Variants in DLG2 observed in about 807,000 individuals in gnomAD.
The protein encoded by DLG2 is disks large homolog 2.
A neutral mutation model predicts 132.5 loss-of-function variants in DLG2; 45 were observed. The ratio of observed to expected loss-of-function variants is 0.34; its 90% CI spans 0.27 to 0.44. The LOEUF is 0.44. Among genes scored for constraint, DLG2 ranks in the 20% least tolerant of loss-of-function variants. The probability of loss-of-function intolerance (pLI) is 1.00; values close to 1 mark genes in which losing one functional copy is unlikely to be tolerated. For synonymous variants in DLG2, 424 were observed against 419.6 expected (o/e 1.01, Z -0.13); for missense variants, 1,045 against 1,196.9 (o/e 0.87, Z 1.87).
At chr11:84,755,969 G>A (rs528907120) in intron 6 of DLG2, among the ~76,000 whole-genome samples, 1 of 152,250 alleles carries the variant, frequency 6.6e-6, no homozygotes, top group East Asian at 1.9e-4. Flanking sequence ...CTAATAGAAT[G>A]ACTGGCGTAC....
chr11:83,981,500 G>A (rs1396347693), intron 11 of DLG2, among the ~76,000 whole-genome samples: 1 of 152,112 alleles, frequency 6.6e-6, no homozygotes, highest in Admixed American at 6.6e-5. Context: ...GGAGTGCAGT[G>A]GTATGATTTC....
At chr11:84,225,275 A>T (rs2096974544) in intron 8 of DLG2, among the ~76,000 whole-genome samples, 1 of 152,200 alleles carries the variant, frequency 6.6e-6, no homozygotes, top group South Asian at 2.1e-4. Flanking sequence ...TTTTCTATGC[A>T]TTCCCTTATT....
At chr11:85,585,177 T>C (rs1462607072) in intron 3 of DLG2, among the ~76,000 whole-genome samples, 1 of 152,198 alleles carries the variant, frequency 6.6e-6, no homozygotes, top group African/African-American at 2.4e-5. Flanking sequence ...TGGATTTTTA[T>C]ATACGATGAG....
At chr11:84,086,048 ATG>A (rs1404247733) in intron 10 of DLG2, among the ~76,000 whole-genome samples, 1 of 152,196 alleles carries the variant, frequency 6.6e-6, no homozygotes, top group East Asian at 1.9e-4. Context: ...TGTTTAGAAA[ATG>A]TGAGCACCTT....
intron 19 of DLG2, among the ~76,000 whole-genome samples, chr11:83,628,007 G>A (rs909501225): frequency 2.4e-4 from 36 of 152,306 alleles, no homozygotes; most frequent in African/African-American, 7.2e-4. Flanking sequence ...CTGCATAAAT[G>A]TCTTCTTTTG....
intron 3 of DLG2, among the ~76,000 whole-genome samples, chr11:85,323,542 C>T (rs2081229264): frequency 6.6e-6 from 1 of 152,172 alleles, no homozygotes; most frequent in African/African-American, 2.4e-5. Flanking sequence ...TTGAAATATA[C>T]AATAAATTAT....
chr11:84,034,049 C>A (rs1376679374), intron 11 of DLG2, among the ~76,000 whole-genome samples: 1 of 151,960 alleles, frequency 6.6e-6, no homozygotes, highest in South Asian at 2.1e-4. Flanking sequence ...CCATTGCACT[C>A]CAGCCCGGGC....
intron 3 of DLG2, among the ~76,000 whole-genome samples, chr11:85,352,891 A>T (rs544683100): frequency 6.6e-6 from 1 of 152,356 alleles, no homozygotes; most frequent in African/African-American, 2.4e-5. Flanking sequence ...ACCCTAGAAG[A>T]AAACCTAGGC....
In DLG2 at chr11:83,499,850, GAGATATATATATATATATATAT is replaced by G. The variant is rs1227040677; in HGVS notation, c.2194-15644_2194-15623del. 1.6e-3 allele frequency among the ~76,000 whole-genome samples: 92 copies of G among 58,770 alleles called. 1 individual carries two copies. The highest frequency in any genetic ancestry group is 3.7e-3 in the African/African-American group (59 of 16,068). The allele number at this position is 58,770 out of a possible 152,430, so 38.6% of individuals were successfully genotyped here. A position where few individuals can be genotyped will look rare whatever the true frequency, so the allele number is the denominator to read the frequency against. On this transcript the variant is annotated intron_variant, in intron 21 of 27. Transcript: ENST00000376104. ...ATATATATATTTCCTCCACTAATAG[GAGATATATATATATATATATAT>G]ATATATATATATATATATATATATA...
chr11:84,902,396 T>G (rs958479188), intron 6 of DLG2, among the ~76,000 whole-genome samples: 4 of 152,156 alleles, frequency 2.6e-5, no homozygotes, highest in Non-Finnish European at 5.9e-5. Context: ...TTCTTCTGCT[T>G]CAATGCATCA....
At chr11:85,084,669 A>G (rs1001447963) in intron 6 of DLG2, among the ~76,000 whole-genome samples, 2 of 152,112 alleles carry the variant, frequency 1.3e-5, no homozygotes. Context: ...ATCGGTTGCC[A>G]TTTTTGTCAT....
chr11:85,488,608 G>A (rs1049373053), intron 3 of DLG2, among the ~76,000 whole-genome samples: 4 of 152,092 alleles, frequency 2.6e-5, no homozygotes, highest in Admixed American at 6.6e-5. Context: ...ATCAGCAAGA[G>A]AAAGGTATCA....
At position 85,386,391 on chromosome 11, in the gene DLG2, T is replaced by C. The variant is rs571082487; in HGVS notation, c.41-101026A>G. Among the ~76,000 whole-genome samples the C allele has an allele frequency of 7.4e-4, 112 of 152,324 alleles. 1 individual carries two copies. The highest frequency in any genetic ancestry group is 2.6e-3 in the African/African-American group (109 of 41,590). On this transcript the variant is annotated intron_variant, in intron 3 of 27. Coordinates refer to ENST00000376104, the MANE Select transcript of DLG2 (RefSeq NM_001142699.3). ...AATTAATAAGTGACAGAACTAGGAT[T>C]TGAATGTCGACACCCTACCTCCAGA... is the stretch of plus-strand genomic sequence containing the variant.
At chr11:84,848,937 T>A (rs1421922341) in intron 6 of DLG2, among the ~76,000 whole-genome samples, 1 of 152,188 alleles carries the variant, frequency 6.6e-6, no homozygotes. Flanking sequence ...TCAATATACA[T>A]AACAGAGGTA....
At chr11:84,151,526 T>A (rs534603227) in intron 9 of DLG2, among the ~76,000 whole-genome samples, 1 of 152,306 alleles carries the variant, frequency 6.6e-6, no homozygotes, top group South Asian at 2.1e-4. Flanking sequence ...CTTTTGTATA[T>A]ATTTTTGCAT....
chr11:85,126,647 C>T (rs182540528), intron 5 of DLG2, among the ~76,000 whole-genome samples: 14 of 152,062 alleles, frequency 9.2e-5, no homozygotes, highest in East Asian at 5.8e-4. Flanking sequence ...ATCTCCCCCA[C>T]GTAGACATGC....
At chr11:83,982,165 T>C (rs777931220) in intron 11 of DLG2, among the ~76,000 whole-genome samples, 2 of 152,172 alleles carry the variant, frequency 1.3e-5, no homozygotes, top group Non-Finnish European at 2.9e-5. Flanking sequence ...TAAATAACTA[T>C]GTTCCTGGTT....
rs1157088846 is a variant in DLG2 at position 85,465,073 on chromosome 11, C to CA, written c.40+133583dup. ...CGGGCAACAGTGCAGAACTCTGCCT[C>CA]AAAAAAAAAAAAAAAAAAAAAAAAA... is the stretch of plus-strand genomic sequence containing the variant. On this transcript the variant is annotated intron_variant, in intron 3 of 27. Coordinates refer to ENST00000376104, the MANE Select transcript of DLG2 (RefSeq NM_001142699.3). Among the ~76,000 whole-genome samples, 6 of 17,148 alleles carry CA rather than the reference C, an allele frequency of 3.5e-4. 1 individual carries two copies. The highest frequency in any genetic ancestry group is 2.4e-4 in the Non-Finnish European group (2 of 8,474). 11.2% of individuals were successfully genotyped at this position (17,148 alleles called of 152,430 possible). A position where few individuals can be genotyped will look rare whatever the true frequency, so the allele number is the denominator to read the frequency against.
At chr11:84,263,689 C>T (rs960962757) in intron 7 of DLG2, among the ~76,000 whole-genome samples, 3 of 152,090 alleles carry the variant, frequency 2.0e-5, no homozygotes, top group Non-Finnish European at 4.4e-5. Flanking sequence ...TTCCCCTACT[C>T]ACCATAATTT....
Sources: gnomAD v4.1 joint callset for allele counts (sites outside exome capture counted in the v4.1 genomes callset) on GRCh38, gnomAD v4.1.1 for gene constraint, MANE v1.5 for transcripts, NCBI Gene and HGNC (gene_info 2026-07-23, HGNC 2026-07-21) for gene names.